Variants in PCDH11X observed in about 807,000 individuals in gnomAD.
PCDH11X encodes the protein protocadherin-11 X-linked.
Under a neutral mutation model 53.3 loss-of-function variants are expected in PCDH11X, and 18 were observed. The ratio of observed to expected loss-of-function variants is 0.34; its 90% confidence interval spans 0.23 to 0.50. The LOEUF (loss-of-function observed/expected upper bound fraction) is 0.50, where lower values mean the gene tolerates loss of function less well. Ranked by LOEUF, PCDH11X falls within the 20% of genes least tolerant of loss-of-function variation. The probability of loss-of-function intolerance (pLI) is 0.98; values close to 1 mark genes in which losing one functional copy is unlikely to be tolerated. For missense variants in PCDH11X, 570 were observed against 1,032.4 expected (o/e 0.55, Z 6.14); for synonymous variants, 279 against 393.3 (o/e 0.71, Z 3.44).
At position 92,278,641 on chromosome X, in the gene PCDH11X, C is replaced by T. The variant is rs190316024; in HGVS notation, c.3144+15498C>T. On this transcript the variant is annotated intron_variant, in intron 8 of 10. Transcript: ENST00000682573. The stretch of plus-strand genomic sequence containing the variant: ...GGTTAATCACTCAGTTAAGGTGGGG[C>T]AGGAACAAATCACAATGGTGGAATG... Among the ~76,000 whole-genome samples, 916 of 109,582 alleles carry T rather than the reference C, an allele frequency of 8.4e-3. 28 individuals carry two copies. Among genetic ancestry groups the T allele is most frequent in the Admixed American group, 0.065 (662 of 10,255 alleles).
At chrX:91,896,099 G>C (rs1176222590) in intron 6 of PCDH11X, among the ~76,000 whole-genome samples, 2 of 107,114 alleles carry the variant, frequency 1.9e-5, no homozygotes, top group Non-Finnish European at 3.8e-5. Context: ...TTTGGTCTTG[G>C]AGAAATATTT....
chrX:92,206,338 T>C (rs2066475572), intron 7 of PCDH11X, among the ~76,000 whole-genome samples: 1 of 111,240 alleles, frequency 9.0e-6, no homozygotes, highest in Non-Finnish European at 1.9e-5. Context: ...ATTACTTAAT[T>C]TGGGGAATTT....
chrX:91,964,019 T>C, intron 6 of PCDH11X, among the ~76,000 whole-genome samples: 1 of 110,076 alleles, frequency 9.1e-6, no homozygotes, highest in Middle Eastern at 4.6e-3. Flanking sequence ...TTATGGGAAC[T>C]ACAATTCAAG....
Position 92,416,532 on chromosome X carries a change from G to A in PCDH11X, c.3343+28599G>A, listed in dbSNP as rs34242202. Among the ~76,000 whole-genome samples, 4 of 106,181 alleles carry A rather than the reference G, an allele frequency of 3.8e-5. No individual in the cohort carries two copies. The East Asian group carries it at 9.2e-4, about 24-fold the overall frequency. The allele number at this position is 106,181 out of a possible 115,157, so 92.2% of individuals were successfully genotyped here. A position where few individuals can be genotyped will look rare whatever the true frequency, so the allele number is the denominator to read the frequency against. On this transcript the variant is annotated intron_variant, in intron 9 of 10. Transcript: ENST00000682573. ...TCAAAAGAGAAACAATGGAAGGCAC[G>A]TGTTTATAAAAAAAAAAATCTCGGA...
intron 4 of PCDH11X, among the ~76,000 whole-genome samples, chrX:91,834,441 T>A (rs1937223651): frequency 2.8e-5 from 3 of 108,507 alleles, no homozygotes; most frequent in African/African-American, 1.0e-4. Flanking sequence ...TGTTTTTAAA[T>A]GCCTTTCTTA....
chrX:92,058,317 G>A (rs1426531656), intron 6 of PCDH11X, among the ~76,000 whole-genome samples: 1 of 110,507 alleles, frequency 9.0e-6, no homozygotes, highest in African/African-American at 3.3e-5. Flanking sequence ...TCACTATTTA[G>A]CTTGTGGGCT....
intron 10 of PCDH11X, among the ~76,000 whole-genome samples, chrX:92,469,752 C>T (rs1383148046): frequency 9.0e-6 from 1 of 110,862 alleles, no homozygotes; most frequent in Non-Finnish European, 1.9e-5. Context: ...TATTCTGTTC[C>T]GTTGGCCTAT....
At chrX:92,485,165 T>A (rs1303332765) in intron 10 of PCDH11X, among the ~76,000 whole-genome samples, 1 of 110,637 alleles carries the variant, frequency 9.0e-6, no homozygotes, top group Non-Finnish European at 1.9e-5. Context: ...TTTGGAGCAA[T>A]CTTTCATTGT....
At chrX:92,235,240 T>C (rs989401898) in intron 7 of PCDH11X, among the ~76,000 whole-genome samples, 2 of 111,366 alleles carry the variant, frequency 1.8e-5, no homozygotes, top group Non-Finnish European at 3.8e-5. Context: ...GGTTGTATTC[T>C]TAGATTTTAA....
intron 6 of PCDH11X, among the ~76,000 whole-genome samples, chrX:91,914,849 T>A: frequency 8.9e-6 from 1 of 111,810 alleles, no homozygotes; most frequent in Non-Finnish European, 1.9e-5. Context: ...GTAACTTCCC[T>A]GGTCTTGCTA....
At chrX:92,092,053 A>T (rs1020721479) in intron 6 of PCDH11X, among the ~76,000 whole-genome samples, 3 of 111,340 alleles carry the variant, frequency 2.7e-5, no homozygotes, top group Non-Finnish European at 5.6e-5. Context: ...CCCGAGTCAG[A>T]TTGGAAAGTA....
chrX:92,225,859 T>C (rs2066960906), intron 7 of PCDH11X, among the ~76,000 whole-genome samples: 1 of 111,728 alleles, frequency 9.0e-6, no homozygotes, highest in Non-Finnish European at 1.9e-5. Flanking sequence ...TCAACAGAGG[T>C]GCTTCAATAT....
At chrX:92,149,305 T>C (rs1403256053) in intron 6 of PCDH11X, among the ~76,000 whole-genome samples, 2 of 109,660 alleles carry the variant, frequency 1.8e-5, no homozygotes, top group Non-Finnish European at 3.8e-5. Flanking sequence ...CATATTTAGA[T>C]TGACTTACTG....
intron 6 of PCDH11X, among the ~76,000 whole-genome samples, chrX:92,165,372 T>A (rs769478664): frequency 1.6e-4 from 18 of 112,032 alleles, no homozygotes; most frequent in Non-Finnish European, 2.8e-4. Flanking sequence ...ATGGACTCAC[T>A]CAAAGCAGTC....
At chrX:92,376,869 A>C (rs1448505392) in intron 8 of PCDH11X, among the ~76,000 whole-genome samples, 6 of 111,623 alleles carry the variant, frequency 5.4e-5, no homozygotes, top group Non-Finnish European at 1.1e-4. Context: ...ACCAGTTCTA[A>C]CTCCTGACCC....
At chrX:92,230,466 A>C (rs1183704272) in intron 7 of PCDH11X, among the ~76,000 whole-genome samples, 2 of 91,218 alleles carry the variant, frequency 2.2e-5, no homozygotes, top group Non-Finnish European at 4.2e-5. Flanking sequence ...TATAAAATAT[A>C]TATTATATAT....
intron 6 of PCDH11X, among the ~76,000 whole-genome samples, chrX:91,922,358 G>A (rs952762027): frequency 9.0e-6 from 1 of 111,619 alleles, no homozygotes; most frequent in African/African-American, 3.3e-5. Flanking sequence ...TTTAAACACA[G>A]TCTGTCTAGC....
At chrX:92,583,929 G>A (rs1466236938) in intron 10 of PCDH11X, among the ~76,000 whole-genome samples, 2 of 103,064 alleles carry the variant, frequency 1.9e-5, no homozygotes, top group Admixed American at 2.2e-4. Context: ...TGAATTGAAA[G>A]CACACAGAAT....
chrX:92,130,565 G>A (rs1199777550), intron 6 of PCDH11X, among the ~76,000 whole-genome samples: 3 of 106,910 alleles, frequency 2.8e-5, no homozygotes, highest in Non-Finnish European at 5.8e-5. Flanking sequence ...CAGGAGAATC[G>A]CTTGAACCAG....
Sources: gnomAD v4.1 joint callset for allele counts (sites outside exome capture counted in the v4.1 genomes callset) on GRCh38, gnomAD v4.1.1 for gene constraint, MANE v1.5 for transcripts, NCBI Gene and HGNC (gene_info 2026-07-23, HGNC 2026-07-21) for gene names.